ACO2: variants seen among roughly 807,000 people sequenced by gnomAD.
ACO2 encodes aconitate hydratase, mitochondrial.
Under a neutral mutation model 84.5 loss-of-function variants are expected in ACO2, and 31 were observed. The observed-to-expected ratio is 0.37, with a 90% CI of 0.28 to 0.50. The LOEUF (loss-of-function observed/expected upper bound fraction) is 0.50, where lower values mean the gene tolerates loss of function less well. Ranked by LOEUF, ACO2 falls within the 20% of genes least tolerant of loss-of-function variation. The pLI is 0.97. For synonymous variants in ACO2, 414 were observed against 412.7 expected, an observed-to-expected ratio of 1.00 and a Z score of -0.04; for missense variants, 685 against 1,029.3, an observed-to-expected ratio of 0.67 and a Z score of 4.58.
At chr22:41,490,807 A>G (rs2066266382) in intron 1 of ACO2, among the ~76,000 whole-genome samples, 1 of 152,168 alleles carries the variant, frequency 6.6e-6, no homozygotes, top group Non-Finnish European at 1.5e-5. Context: ...TTAGTAAGGA[A>G]GAGCTGGTTG....
intron 8 of ACO2, among the ~76,000 whole-genome samples, chr22:41,519,834 A>G (rs1601922031): frequency 6.6e-6 from 1 of 151,838 alleles, no homozygotes; most frequent in Admixed American, 6.6e-5. Context: ...TTCCAAAAGC[A>G]ACATCGAATG....
In ACO2 at chr22:41,522,825, A is replaced by G; in HGVS notation, c.1139-5A>G. The G allele has an allele frequency of 6.2e-7, 1 of 1,614,102 alleles. No individual in the cohort carries two copies. The highest frequency in any genetic ancestry group is 8.5e-7 in the Non-Finnish European group (1 of 1,179,988). ...CCCTTAACCCCACCACCCACAATGCACCAGGTCTAATTGGTAGCTGCACCA... is the reference window on the plus strand; with the variant it reads ...CCCTTAACCCCACCACCCACAATGCGCCAGGTCTAATTGGTAGCTGCACCA... On this transcript the variant is annotated splice_polypyrimidine_tract_variant and splice_region_variant and intron_variant, in intron 9 of 17. Coordinates refer to ENST00000216254, the MANE Select transcript of ACO2 (RefSeq NM_001098.3).
At chr22:41,486,923 G>A (rs1211037661) in intron 1 of ACO2, among the ~76,000 whole-genome samples, 1 of 151,232 alleles carries the variant, frequency 6.6e-6, no homozygotes, top group Admixed American at 6.6e-5. Context: ...TGTCTCTGTC[G>A]CCCAGGCTGG....
chr22:41,501,673 C>T (rs1167159956), intron 2 of ACO2, among the ~76,000 whole-genome samples: 1 of 152,156 alleles, frequency 6.6e-6, no homozygotes, highest in Non-Finnish European at 1.5e-5. Flanking sequence ...AGCTGAGGCT[C>T]AGCTGGAGAA....
chr22:41,527,176 G>A (rs146489598), intron 15 of ACO2, 112 bp from the exon 16 acceptor site: 90 of 1,523,200 alleles, frequency 5.9e-5, no homozygotes, highest in East Asian at 9.1e-5. Context: ...CCCCTTTACC[G>A]GGAGCCTCAG....
intron 1 of ACO2, among the ~76,000 whole-genome samples, chr22:41,485,504 G>A (rs577236235): frequency 1.1e-3 from 147 of 138,734 alleles, no homozygotes; most frequent in Middle Eastern, 4.6e-3. Context: ...GCAGTGGCAC[G>A]ATCTCGGCTC....
chr22:41,507,983 C>T lies in ACO2; in HGVS notation c.366C>T (p.Ser122=). Residue 122 remains serine (S), a synonymous_variant, in exon 3 of 18, where the codon TCC becomes TCT. Transcript: ENST00000216254. ...SSGLSKVAVP[S]TIHCDHLIEA... ...GGCTGTCCAAGGTGGCTGTGCCATC[C>T]ACCATCCACTGTGACCATCTGATTG... 6.2e-7 allele frequency: 1 copy of T among 1,614,214 alleles called. No individual in the cohort carries two copies. The highest frequency in any genetic ancestry group is 8.5e-7 in the Non-Finnish European group (1 of 1,180,028).
chr22:41,523,211 A>C lies in ACO2; in HGVS notation c.1303A>C (p.Ile435Leu), dbSNP rs773834741. The part of the protein sequence containing the change: ...ATIERDGYAQ[I>L]LRDLGGIVLA... ...CTTCCTCTCTCCCTGGCAGGCACAG[A>C]TCTTGAGGGATCTGGGTGGCATTGT... The change falls in exon 11 of 18, where the codon ATC (isoleucine) becomes CTC (leucine). Residue 435 changes from isoleucine to leucine, a missense_variant. By Grantham distance (5) the Ile-to-Leu change is conservative. This residue lies in a region of ACO2 where 311 missense variants were observed against 441.6 expected (regional missense o/e 0.70). Coordinates refer to ENST00000216254, the MANE Select transcript of ACO2 (RefSeq NM_001098.3). The C allele has an allele frequency of 4.3e-6, 7 of 1,612,602 alleles. No homozygotes were observed. Among genetic ancestry groups the C allele is most frequent in the Non-Finnish European group, 5.9e-6 (7 of 1,179,184 alleles).
At chr22:41,503,945 AGCCCACGCCT>A (rs1319908283) in intron 2 of ACO2, among the ~76,000 whole-genome samples, 4 of 152,204 alleles carry the variant, frequency 2.6e-5, no homozygotes, top group Non-Finnish European at 5.9e-5. Context: ...CGGGTATGGT[AGCCCACGCCT>A]GTAATCCCGG....
intron 1 of ACO2, among the ~76,000 whole-genome samples, chr22:41,481,491 G>A (rs1302481385): frequency 6.6e-6 from 1 of 152,226 alleles, no homozygotes; most frequent in African/African-American, 2.4e-5. Flanking sequence ...GTGGGCAGAA[G>A]CCTGCCCGAG....
intron 3 of ACO2, among the ~76,000 whole-genome samples, chr22:41,508,318 T>C (rs1601910093): frequency 6.6e-6 from 1 of 152,334 alleles, no homozygotes; most frequent in Non-Finnish European, 1.5e-5. Context: ...TGGAGGATGA[T>C]GTGGATCCTG....
At chr22:41,519,684 T>C (rs562668728) in intron 8 of ACO2, among the ~76,000 whole-genome samples, 69 of 152,004 alleles carry the variant, frequency 4.5e-4, no homozygotes, top group African/African-American at 1.5e-3. Context: ...GGCGGGCGCC[T>C]GTAGTCCCAG....
chr22:41,511,800 G>C, intron 3 of ACO2, 76 bp from the exon 4 acceptor site: 2 of 1,045,810 alleles, frequency 1.9e-6, no homozygotes, highest in Non-Finnish European at 2.8e-6. Flanking sequence ...AGGCTGATGG[G>C]GTGGGGAGGG....
At chr22:41,510,310 G>A (rs1393095428) in intron 3 of ACO2, among the ~76,000 whole-genome samples, 2 of 152,164 alleles carry the variant, frequency 1.3e-5, no homozygotes, top group Non-Finnish European at 2.9e-5. Context: ...ACACAGACGT[G>A]TAGTCACATG....
In ACO2 at chr22:41,528,927, T is replaced by C. The variant is rs1328980924; in HGVS notation, c.*314T>C. 3.9e-6 allele frequency: 2 copies of C among 512,942 alleles called. No homozygotes were observed. The highest frequency in any genetic ancestry group is 1.9e-5 in the African/African-American group (1 of 51,360). The allele number at this position is 512,942 out of a possible 1,614,324, so 31.8% of individuals were successfully genotyped here. On this transcript the variant is annotated 3_prime_UTR_variant, in exon 18 of 18. Transcript: ENST00000216254. ...GATCATTTCATTGGTGGCTGAAGGA[T>C]TCTAGAGAACCTTTTGTTCTTGCAA... is the stretch of plus-strand genomic sequence containing the variant.
chr22:41,471,821 T>G (rs921173874), intron 1 of ACO2, among the ~76,000 whole-genome samples: 1 of 152,090 alleles, frequency 6.6e-6, no homozygotes, highest in African/African-American at 2.4e-5. Context: ...AGAAACAGGA[T>G]TAGAGAGCAA....
In ACO2 at chr22:41,507,892, G is replaced by A. The variant is rs147763800; in HGVS notation, c.275G>A (p.Arg92Gln). 2.0e-5 allele frequency: 32 copies of A among 1,614,110 alleles called. No individual in the cohort carries two copies. The highest frequency in any genetic ancestry group is 6.7e-5 in the East Asian group (3 of 44,904). Residue 92 changes from arginine (R) to glutamine (Q), a missense_variant, in exon 3 of 18, where the codon CGG becomes CAG. Physicochemically the swap from Arg to Gln is conservative, Grantham distance 43. Transcript: ENST00000216254. ...IERGKSYLRL[R>Q]PDRVAMQDAT... ...CGAGGCAAGTCGTACCTGCGGCTGCGGCCGGACCGTGTGGCCATGCAGGAT... is the reference window on the plus strand; with the variant it reads ...CGAGGCAAGTCGTACCTGCGGCTGCAGCCGGACCGTGTGGCCATGCAGGAT...
At chr22:41,526,551 G>T (rs1041205876) in intron 15 of ACO2, 98 bp downstream of exon 15, 1 of 1,387,690 alleles carries the variant, frequency 7.2e-7, no homozygotes. Context: ...AACTGGGAAG[G>T]AGGCCGACCA....
intron 1 of ACO2, among the ~76,000 whole-genome samples, chr22:41,475,582 ACTT>A (rs2038003341): frequency 6.6e-6 from 1 of 151,842 alleles, no homozygotes; most frequent in South Asian, 2.1e-4. Flanking sequence ...TTGTAGAGAG[ACTT>A]CTTGTAGCCT....
Sources: allele counts gnomAD v4.1 joint callset (sites outside exome capture counted in the v4.1 genomes callset), GRCh38; gene constraint gnomAD v4.1.1; regional missense constraint gnomAD v4.1.1; transcripts MANE v1.5; gene names NCBI Gene and HGNC (gene_info 2026-07-23, HGNC 2026-07-21).